Variants in DPYSL2 observed in about 807,000 individuals in gnomAD.
DPYSL2 encodes dihydropyrimidinase-related protein 2.
In DPYSL2, 13 loss-of-function variants were observed where a neutral mutation model predicts 69.9. The observed-to-expected ratio is 0.19, with a 90% CI of 0.12 to 0.30. DPYSL2 has a LOEUF of 0.30. Ranked by LOEUF, DPYSL2 falls within the 10% of genes least tolerant of loss-of-function variation. The pLI, the probability that DPYSL2 is intolerant of heterozygous loss-of-function variation, is 1.00. For missense variants in DPYSL2, 587 were observed against 918.9 expected (o/e 0.64, Z 4.67); for synonymous variants, 326 against 359.1 (o/e 0.91, Z 1.04).
chr8:26,566,030 A>T (rs182036325), intron 1 of DPYSL2, among the ~76,000 whole-genome samples: 2 of 152,328 alleles, frequency 1.3e-5, no homozygotes, highest in Non-Finnish European at 2.9e-5. Context: ...GAGAGCCTGG[A>T]TTTCATGAAG....
chr8:26,535,634 TA>T (rs11341351), intron 1 of DPYSL2, among the ~76,000 whole-genome samples: 1,758 of 147,556 alleles, frequency 0.012, 30 homozygotes, highest in African/African-American at 0.043. Flanking sequence ...TATATATATA[TA>T]TTTTTTTTTT....
intron 1 of DPYSL2, among the ~76,000 whole-genome samples, chr8:26,542,757 A>C (rs374381167): frequency 4.6e-5 from 7 of 152,274 alleles, no homozygotes; most frequent in African/African-American, 1.7e-4. Flanking sequence ...TAATACATGC[A>C]TTATAGGAAA....
chr8:26,628,100 C>CAGGCAA (rs1302700437), intron 7 of DPYSL2, among the ~76,000 whole-genome samples, 160 bp downstream of exon 7: 1 of 152,216 alleles, frequency 6.6e-6, no homozygotes, highest in East Asian at 1.9e-4. Flanking sequence ...TCTGTCTACG[C>CAGGCAA]AGGCAAAGTG....
intron 1 of DPYSL2, among the ~76,000 whole-genome samples, chr8:26,552,546 G>T (rs1471921122): frequency 6.6e-6 from 1 of 152,174 alleles, no homozygotes; most frequent in Non-Finnish European, 1.5e-5. Context: ...AGAAAGGAAA[G>T]TTATTTCCTA....
rs144026176 is a variant in DPYSL2, at chr8:26,580,838, C to G, written c.355-1131C>G. On this transcript the variant is annotated intron_variant, in intron 1 of 13. Coordinates refer to ENST00000521913, the MANE Select transcript of DPYSL2 (RefSeq NM_001197293.3). This position sits in a 1 kb window ranked among gnomAD's most constrained non-coding sequence, Gnocchi z 4.1. ...AGGTTTAAGCCCATTCTGTATAATA[C>G]AGGTGCATATTTACTGAACACTCGA... Among the ~76,000 whole-genome samples, 37 of 152,322 alleles carry G rather than the reference C, an allele frequency of 2.4e-4. No homozygotes were observed. In the East Asian group the frequency reaches 6.9e-3, roughly 29 times the overall value.
chr8:26,551,546 AAGGAC>A (rs1344844987), intron 1 of DPYSL2, among the ~76,000 whole-genome samples: 3 of 152,172 alleles, frequency 2.0e-5, no homozygotes, highest in Non-Finnish European at 4.4e-5. Flanking sequence ...GAAAATCAGT[AAGGAC>A]ATAACAGAAC....
intron 1 of DPYSL2, among the ~76,000 whole-genome samples, chr8:26,556,008 TTATA>T (rs200041970): frequency 9.4e-6 from 1 of 106,572 alleles, no homozygotes; most frequent in African/African-American, 3.7e-5. Context: ...ATAGTATATA[TTATA>T]TATATAAATA....
chr8:26,522,572 C>G (rs1481842502), intron 1 of DPYSL2, among the ~76,000 whole-genome samples: 1 of 152,150 alleles, frequency 6.6e-6, no homozygotes, highest in Admixed American at 6.6e-5. Flanking sequence ...CTCATTGAGG[C>G]TTTAATTTGC....
rs73678809 is a variant in DPYSL2, at chr8:26,562,785, C to G, written c.355-19184C>G. Among the ~76,000 whole-genome samples the G allele has an allele frequency of 3.3e-4, 51 of 152,302 alleles. No homozygotes were observed. The highest frequency in any genetic ancestry group is 1.2e-3 in the African/African-American group (50 of 41,554). On this transcript the variant is annotated intron_variant, in intron 1 of 13. Transcript: ENST00000521913. This position sits in a 1 kb window ranked among gnomAD's most constrained non-coding sequence, Gnocchi z 4.9. The stretch of plus-strand genomic sequence containing the variant: ...ACAGTAGAGCAGGGATATGTTGTCT[C>G]TGCTCCACGATGTCTAGGGCCGTAT...
chr8:26,562,960 A>G lies in DPYSL2; in HGVS notation c.355-19009A>G, dbSNP rs1285667104. 2.0e-5 allele frequency among the ~76,000 whole-genome samples: 3 copies of G among 152,136 alleles called. No homozygotes were observed. Among genetic ancestry groups the G allele is most frequent in the African/African-American group, 7.2e-5 (3 of 41,432 alleles). On this transcript the variant is annotated intron_variant, in intron 1 of 13. Transcript: ENST00000521913. The surrounding 1 kb of genome is among the most constrained non-coding windows in gnomAD (Gnocchi z 4.9). ...CTGGAATTCCTATATTGGTCTCTAC[A>G]TGGCTTCAGCTTCTTTACAGCATGG...
intron 1 of DPYSL2, among the ~76,000 whole-genome samples, chr8:26,557,303 G>A (rs1801003921): frequency 6.6e-6 from 1 of 151,116 alleles, no homozygotes; most frequent in Non-Finnish European, 1.5e-5. Flanking sequence ...CACACATATG[G>A]TAAAGAACTG....
At chr8:26,566,226 A>G (rs1391324421) in intron 1 of DPYSL2, among the ~76,000 whole-genome samples, 2 of 152,190 alleles carry the variant, frequency 1.3e-5, no homozygotes, top group African/African-American at 4.8e-5. Context: ...CAGATGGAGT[A>G]CAGAGAAGTC....
Position 26,582,103 on chromosome 8 carries a change from A to G in DPYSL2, c.443+46A>G, listed in dbSNP as rs776812636. On this transcript the variant is annotated intron_variant, in intron 2 of 13. Coordinates refer to ENST00000521913, the MANE Select transcript of DPYSL2 (RefSeq NM_001197293.3). This position sits in a 1 kb window ranked among gnomAD's most constrained non-coding sequence, Gnocchi z 4.1. ...ACAGATGTATTTGAACACTTTCCAG[A>G]CTTCCCAAGTATTAGATACCATTCG... 6.7e-7 allele frequency: 1 copy of G among 1,498,798 alleles called. No individual in the cohort carries two copies. The highest frequency in any genetic ancestry group is 2.3e-5 in the East Asian group (1 of 44,298). The allele number at this position is 1,498,798 out of a possible 1,614,324, so 92.8% of individuals were successfully genotyped here.
intron 8 of DPYSL2, among the ~76,000 whole-genome samples, chr8:26,635,772 T>G (rs928035515): frequency 2.6e-5 from 4 of 152,194 alleles, no homozygotes; most frequent in African/African-American, 9.7e-5. Flanking sequence ...TTCTCTTCCC[T>G]TCTTTCCTGA....
intron 1 of DPYSL2, among the ~76,000 whole-genome samples, chr8:26,535,557 A>G (rs932700177): frequency 3.3e-5 from 5 of 152,010 alleles, no homozygotes; most frequent in African/African-American, 9.7e-5. Flanking sequence ...CAGAGATTGC[A>G]GTGGAAACAA....
intron 8 of DPYSL2, among the ~76,000 whole-genome samples, chr8:26,636,905 C>G (rs2129950290): frequency 6.6e-6 from 1 of 152,212 alleles, no homozygotes; most frequent in African/African-American, 2.4e-5. Flanking sequence ...TCACACCCAT[C>G]TAATTTTTAT....
At position 26,608,503 on chromosome 8, in the gene DPYSL2, A is replaced by G. The variant is rs901221010; in HGVS notation, c.629-15640A>G. 5.9e-5 allele frequency among the ~76,000 whole-genome samples: 9 copies of G among 152,344 alleles called. No homozygotes were observed. In the East Asian group the frequency reaches 1.7e-3, roughly 29 times the overall value. On this transcript the variant is annotated intron_variant, in intron 3 of 13. Transcript: ENST00000521913. ...ACATCATTCTTGAGGACGAAGAGAA[A>G]ATACCTGTGAGGAAGTATTTACATT...
At position 26,533,354 on chromosome 8, in the gene DPYSL2, T is replaced by C. The variant is rs1800541745; in HGVS notation, c.354+18675T>C. Among the ~76,000 whole-genome samples the C allele has an allele frequency of 6.6e-6, 1 of 152,244 alleles. No individual in the cohort carries two copies. Among genetic ancestry groups the C allele is most frequent in the South Asian group, 2.1e-4 (1 of 4,838 alleles). On this transcript the variant is annotated intron_variant, in intron 1 of 13. Coordinates refer to ENST00000521913, the MANE Select transcript of DPYSL2 (RefSeq NM_001197293.3). The surrounding 1 kb of genome is among the most constrained non-coding windows in gnomAD (Gnocchi z 4.8). ...CCTGATAGTGTCCTTGACGTATGAA[T>C]GCTTTTAATTTTGACAAAGTGTAAC...
At chr8:26,589,542 G>A (rs1024702303) in intron 3 of DPYSL2, among the ~76,000 whole-genome samples, 1 of 152,242 alleles carries the variant, frequency 6.6e-6, no homozygotes. Flanking sequence ...GTCACAAGGA[G>A]GGAGGAGGGT....
Sources: allele counts gnomAD v4.1 joint callset (sites outside exome capture counted in the v4.1 genomes callset), GRCh38; gene constraint gnomAD v4.1.1; non-coding constraint Gnocchi (gnomAD v3.1); transcripts MANE v1.5; gene names NCBI Gene and HGNC (gene_info 2026-07-23, HGNC 2026-07-21).